The following NWD2 variants were observed in gnomAD, a reference collection of about 807,000 sequenced individuals.
NWD2 encodes the protein NACHT and WD repeat domain-containing protein 2.
NWD2 carries 37 observed loss-of-function variants against 132.7 expected under a neutral mutation model. The observed-to-expected ratio is 0.28, with a 90% CI of 0.21 to 0.37. The LOEUF (loss-of-function observed/expected upper bound fraction) is 0.37, where lower values mean the gene tolerates loss of function less well. Ranked by LOEUF, NWD2 falls within the 10% of genes least tolerant of loss-of-function variation. The probability of loss-of-function intolerance (pLI) is 1.00; values close to 1 mark genes in which losing one functional copy is unlikely to be tolerated. For missense variants in NWD2, 1,592 were observed against 2,122.4 expected (o/e 0.75, Z 4.91); for synonymous variants, 705 against 803.0 (o/e 0.88, Z 2.06).
intron 2 of NWD2, among the ~76,000 whole-genome samples, chr4:37,355,699 G>A (rs184356464): frequency 6.6e-6 from 1 of 152,320 alleles, no homozygotes; most frequent in East Asian, 1.9e-4. Flanking sequence ...GTTTGTTATA[G>A]ACTGCCAGAA....
In NWD2 at chr4:37,314,977, A is replaced by G. The variant is rs947365812; in HGVS notation, c.152-10959A>G. Among the ~76,000 whole-genome samples the G allele has an allele frequency of 6.6e-5, 10 of 152,148 alleles. No homozygotes were observed. The South Asian group carries it at 8.3e-4, about 13-fold the overall frequency. On this transcript the variant is annotated intron_variant, in intron 1 of 6. Coordinates refer to ENST00000309447, the MANE Select transcript of NWD2 (RefSeq NM_001144990.2). ...GCTTTTATTTTATCTATTTCAACACATTTTGTTTTCCTTTGTGAATTTTTG... is the reference window on the plus strand; with the variant it reads ...GCTTTTATTTTATCTATTTCAACACGTTTTGTTTTCCTTTGTGAATTTTTG...
chr4:37,396,798 C>T (rs1001907225), intron 3 of NWD2, among the ~76,000 whole-genome samples: 5 of 152,050 alleles, frequency 3.3e-5, no homozygotes, highest in African/African-American at 1.2e-4. Context: ...TTTGGAAGGC[C>T]GAGGCGGGTG....
intron 3 of NWD2, among the ~76,000 whole-genome samples, chr4:37,404,403 C>T (rs1227123405): frequency 3.9e-5 from 6 of 152,170 alleles, no homozygotes; most frequent in African/African-American, 1.4e-4. Context: ...CTTTCCCACC[C>T]TCATCCCAAT....
In NWD2 at chr4:37,438,804, T is replaced by C. The variant is rs1354895131; in HGVS notation, c.710T>C (p.Ile237Thr). ...TCCTTCTTATATTTTCTTTCAGCTATAGAGGATGAGTTTGACTTTGCTCTG... is the reference window on the plus strand; with the variant it reads ...TCCTTCTTATATTTTCTTTCAGCTACAGAGGATGAGTTTGACTTTGCTCTG... ...SQAKRYLFSA[I>T]EDEFDFALGK... Residue 237 changes from isoleucine to threonine, a missense_variant, in exon 6 of 7, where the codon ATA (isoleucine) becomes ACA (threonine). Ile to Thr is a moderately conservative substitution (Grantham distance 89, BLOSUM62 -1). Coordinates refer to ENST00000309447, the MANE Select transcript of NWD2 (RefSeq NM_001144990.2). The C allele has an allele frequency of 6.5e-7, 1 of 1,546,206 alleles. No homozygotes were observed.
chr4:37,446,665 G>C lies in NWD2; in HGVS notation c.4677G>C (p.Arg1559=). 6.4e-7 allele frequency: 1 copy of C among 1,551,372 alleles called. No individual in the cohort carries two copies. The highest frequency in any genetic ancestry group is 8.7e-7 in the Non-Finnish European group (1 of 1,146,942). ...TAGATTTATACAGTGGTAAATTGCG[G>C]GTGGTTCACGCCTCTGGGATCATCT... is the stretch of plus-strand genomic sequence containing the variant. ...NVLDLYSGKL[R]VVHASGIIWR... The change falls in exon 7 of 7, where the codon CGG becomes CGC. Residue 1559 remains arginine, a synonymous_variant. Transcript: ENST00000309447. This position sits in a 1 kb window ranked among gnomAD's most constrained non-coding sequence, Gnocchi z 6.7.
At chr4:37,357,881 G>C (rs915611385) in intron 3 of NWD2, among the ~76,000 whole-genome samples, 3 of 152,092 alleles carry the variant, frequency 2.0e-5, no homozygotes, top group Non-Finnish European at 4.4e-5. Flanking sequence ...GAGATGGAAA[G>C]AGGGGCAGGA....
At chr4:37,361,432 C>A (rs1027211523) in intron 3 of NWD2, among the ~76,000 whole-genome samples, 4 of 152,102 alleles carry the variant, frequency 2.6e-5, no homozygotes, top group South Asian at 2.1e-4. Context: ...TGCAAAAAAA[C>A]CTCAACAAAA....
At chr4:37,308,738 G>A (rs1718766628) in intron 1 of NWD2, among the ~76,000 whole-genome samples, 1 of 152,164 alleles carries the variant, frequency 6.6e-6, no homozygotes, top group South Asian at 2.1e-4. Flanking sequence ...CAGTCCTCAG[G>A]CCCCTGGTTG....
chr4:37,318,524 A>G (rs761303214), intron 1 of NWD2, among the ~76,000 whole-genome samples: 21 of 152,102 alleles, frequency 1.4e-4, no homozygotes, highest in Non-Finnish European at 3.1e-4. Flanking sequence ...TTGTGGTACT[A>G]TTTATGCCAT....
At chr4:37,255,242 A>T (rs766648926) in intron 1 of NWD2, among the ~76,000 whole-genome samples, 8 of 152,220 alleles carry the variant, frequency 5.3e-5, no homozygotes, top group Non-Finnish European at 1.0e-4. Context: ...TCAAAGGCTG[A>T]TTGGAATAAT....
At chr4:37,385,057 T>C (rs1054055946) in intron 3 of NWD2, among the ~76,000 whole-genome samples, 2 of 152,138 alleles carry the variant, frequency 1.3e-5, no homozygotes, top group Non-Finnish European at 2.9e-5. Context: ...TTATGTCAAT[T>C]TAAAATAAAA....
Position 37,443,365 on chromosome 4 carries a change from G to A in NWD2, c.1377G>A (p.Met459Ile). 1.3e-6 allele frequency: 2 copies of A among 1,551,894 alleles called. No individual in the cohort carries two copies. Among genetic ancestry groups the A allele is most frequent in the Non-Finnish European group, 8.7e-7 (1 of 1,147,044 alleles). The change falls in exon 7 of 7, where the codon ATG becomes ATA. Residue 459 changes from methionine to isoleucine, a missense_variant. Physicochemically the swap from Met to Ile is conservative, Grantham distance 10 (BLOSUM62 1). This residue lies in a region of NWD2 where 1,071 missense variants were observed against 1,398.0 expected (regional missense o/e 0.77). Transcript: ENST00000309447. This position sits in a 1 kb window ranked among gnomAD's most constrained non-coding sequence, Gnocchi z 4.1. ...VIVRFLGTTD[M>I]SSDLRTLLLS... ...TGAGATTTCTAGGAACGACAGACAT[G>A]AGCTCTGACCTTAGGACTCTCCTTC... is the stretch of plus-strand genomic sequence containing the variant.
intron 1 of NWD2, among the ~76,000 whole-genome samples, chr4:37,274,132 G>A (rs939444618): frequency 6.6e-6 from 1 of 152,160 alleles, no homozygotes; most frequent in African/African-American, 2.4e-5. Flanking sequence ...AAAAATCAAT[G>A]AATCCAGGAG....
intron 3 of NWD2, among the ~76,000 whole-genome samples, chr4:37,425,948 G>T (rs1055167650): frequency 2.0e-5 from 3 of 152,182 alleles, no homozygotes; most frequent in African/African-American, 7.2e-5. Context: ...CCATCTTGCT[G>T]CCTAGAGTTT....
At chr4:37,355,172 T>C (rs949110682) in intron 2 of NWD2, among the ~76,000 whole-genome samples, 2 of 152,200 alleles carry the variant, frequency 1.3e-5, no homozygotes, top group East Asian at 1.9e-4. Context: ...GGCTCTCAAA[T>C]TGGATAATGA....
At chr4:37,426,276 T>G (rs1035763193) in intron 3 of NWD2, among the ~76,000 whole-genome samples, 1 of 152,162 alleles carries the variant, frequency 6.6e-6, no homozygotes, top group African/African-American at 2.4e-5. Flanking sequence ...GATTCATGAT[T>G]TATGAGCATT....
chr4:37,310,611 T>A (rs531407745), intron 1 of NWD2, among the ~76,000 whole-genome samples: 17 of 152,124 alleles, frequency 1.1e-4, no homozygotes, highest in African/African-American at 4.1e-4. Flanking sequence ...TCTTGAAGCA[T>A]GGTGCTAGCT....
At chr4:37,319,325 G>A (rs1416713691) in intron 1 of NWD2, among the ~76,000 whole-genome samples, 1 of 151,974 alleles carries the variant, frequency 6.6e-6, no homozygotes, top group East Asian at 1.9e-4. Context: ...AGGTTCATTT[G>A]GTTTTTGCTT....
At chr4:37,413,830 A>G (rs933174994) in intron 3 of NWD2, among the ~76,000 whole-genome samples, 3 of 152,244 alleles carry the variant, frequency 2.0e-5, no homozygotes, top group Admixed American at 2.0e-4. Context: ...AGAGACATGG[A>G]TGAAGCTGGA....
Sources: gnomAD v4.1 joint callset for allele counts (sites outside exome capture counted in the v4.1 genomes callset) on GRCh38, gnomAD v4.1.1 for gene constraint, gnomAD v4.1.1 regional missense constraint, Gnocchi (gnomAD v3.1) non-coding constraint, MANE v1.5 for transcripts, NCBI Gene and HGNC (gene_info 2026-07-23, HGNC 2026-07-21) for gene names.